Variants in BST1 observed in about 807,000 individuals in gnomAD.
The protein encoded by BST1 is bone marrow stromal cell antigen 1.
In BST1, 49 loss-of-function variants were observed where a neutral mutation model predicts 40.6. The observed-to-expected ratio is 1.21, with a 90% CI of 0.96 to 1.53. The LOEUF (loss-of-function observed/expected upper bound fraction) is 1.53, where lower values mean the gene tolerates loss of function less well. BST1 is among the 40% of genes most tolerant of loss of function. BST1 has a pLI of 0.00. For synonymous variants in BST1, 157 were observed against 159.3 expected, an observed-to-expected ratio of 0.99 and a Z score of 0.11; for missense variants, 423 against 395.9, an observed-to-expected ratio of 1.07 and a Z score of -0.58.
chr4:15,731,454 G>A, intron 8 of BST1: 2 of 769,384 alleles, frequency 2.6e-6, no homozygotes, highest in Non-Finnish European at 4.5e-6. Context: ...GGGGCAGGGA[G>A]TGGACTTAAG....
chr4:15,766,813 C>T, the BST1 span, among the ~76,000 whole-genome samples: 2 of 138,284 alleles, frequency 1.4e-5, no homozygotes, highest in Non-Finnish European at 3.2e-5. Flanking sequence ...AAAAAAAGAC[C>T]TCCCTAAAAA....
chr4:15,739,995 T>G (rs1398704437), downstream of BST1, among the ~76,000 whole-genome samples: 1 of 149,544 alleles, frequency 6.7e-6, no homozygotes, highest in Admixed American at 6.7e-5. Context: ...GAGAGAGAGA[T>G]AAGGATAGAG....
chr4:15,751,114 T>C, the BST1 span, among the ~76,000 whole-genome samples: 1 of 152,144 alleles, frequency 6.6e-6, no homozygotes, highest in Non-Finnish European at 1.5e-5. Context: ...CTACAGAGAC[T>C]TATACTAGAG....
At chr4:15,726,797 T>G (rs1424026466) in intron 8 of BST1, among the ~76,000 whole-genome samples, 2 of 151,954 alleles carry the variant, frequency 1.3e-5, no homozygotes, top group East Asian at 1.9e-4. Flanking sequence ...CTAGCACCAG[T>G]GCCTTGGGTT....
chr4:15,760,810 T>C, the BST1 span, among the ~76,000 whole-genome samples: 1 of 151,148 alleles, frequency 6.6e-6, no homozygotes, highest in Non-Finnish European at 1.5e-5. Context: ...TACTTCAGCC[T>C]CATGAGTAGT....
At chr4:15,731,443 T>TG in intron 8 of BST1, 1 of 719,262 alleles carries the variant, frequency 1.4e-6, no homozygotes, top group Non-Finnish European at 2.5e-6. Context: ...ATGGAGAACT[T>TG]GGGGCAGGGA....
chr4:15,764,940 A>C, the BST1 span, among the ~76,000 whole-genome samples: 1 of 151,158 alleles, frequency 6.6e-6, no homozygotes, highest in Non-Finnish European at 1.5e-5. Context: ...GCCCTATTGC[A>C]TAGGTTTGAA....
At chr4:15,772,706 C>G in the BST1 span, among the ~76,000 whole-genome samples, 1 of 152,150 alleles carries the variant, frequency 6.6e-6, no homozygotes, top group Non-Finnish European at 1.5e-5. Flanking sequence ...AGCTTGGGAG[C>G]TGAGTGGGGT....
chr4:15,772,970 G>C, the BST1 span, among the ~76,000 whole-genome samples: 1 of 152,324 alleles, frequency 6.6e-6, no homozygotes, highest in Middle Eastern at 3.4e-3. Context: ...AGAGCAAGAG[G>C]GGAGGGAGTC....
the BST1 span, among the ~76,000 whole-genome samples, chr4:15,761,917 C>T: frequency 2.0e-5 from 3 of 151,678 alleles, no homozygotes; most frequent in Non-Finnish European, 1.5e-5. Context: ...GAACTTAATT[C>T]GGCCGGGCGC....
chr4:15,736,463 A>G (rs1202240223), downstream of BST1, among the ~76,000 whole-genome samples: 2 of 152,084 alleles, frequency 1.3e-5, no homozygotes, highest in Non-Finnish European at 2.9e-5. Context: ...TACAAAAATT[A>G]GCTGGGCGTG....
downstream of BST1, chr4:15,736,176 C>A (rs900896345): frequency 8.0e-7 from 1 of 1,247,700 alleles, no homozygotes; most frequent in Non-Finnish European, 1.0e-6. Flanking sequence ...TGACTGATCT[C>A]TCTGCTTCTG....
chr4:15,766,281 G>T, the BST1 span, among the ~76,000 whole-genome samples: 1 of 152,104 alleles, frequency 6.6e-6, no homozygotes, highest in African/African-American at 2.4e-5. Context: ...CAGATTTGGA[G>T]TGTCTAAACT....
At chr4:15,739,666 T>C (rs1237381176), downstream of BST1, among the ~76,000 whole-genome samples, 15 of 152,114 alleles carry the variant, frequency 9.9e-5, no homozygotes, top group Admixed American at 7.9e-4. Context: ...GACTTTGCTA[T>C]AGGACATGTG....
chr4:15,769,083 AAAC>A, the BST1 span, among the ~76,000 whole-genome samples: 3 of 152,218 alleles, frequency 2.0e-5, no homozygotes, highest in Non-Finnish European at 4.4e-5. Flanking sequence ...AGAAAAAAAA[AAAC>A]AAGAATTATG....
chr4:15,758,758 GT>G, the BST1 span, among the ~76,000 whole-genome samples: 7 of 152,076 alleles, frequency 4.6e-5, no homozygotes, highest in Admixed American at 4.6e-4. Context: ...GAGTTTGATT[GT>G]TTTAGATTCT....
downstream of BST1, among the ~76,000 whole-genome samples, chr4:15,739,213 G>A (rs1432944962): frequency 1.3e-5 from 2 of 152,204 alleles, no homozygotes; most frequent in Admixed American, 6.5e-5. Flanking sequence ...AATGAAGCAG[G>A]TTGGAAAATC....
intron 8 of BST1, among the ~76,000 whole-genome samples, chr4:15,728,464 TTTTTG>T (rs1464779855): frequency 2.9e-4 from 44 of 149,360 alleles, no homozygotes. Context: ...TTTTTTTTTT[TTTTTG>T]GAGACAGGTT....
chr4:15,756,838 T>G, the BST1 span, among the ~76,000 whole-genome samples: 2 of 152,152 alleles, frequency 1.3e-5, no homozygotes, highest in South Asian at 2.1e-4. Context: ...ATGCACCACC[T>G]CAAAACATAC....
Sources: gnomAD v4.1 joint callset for allele counts (sites outside exome capture counted in the v4.1 genomes callset) on GRCh38, gnomAD v4.1.1 for gene constraint, MANE v1.5 for transcripts, NCBI Gene and HGNC (gene_info 2026-07-23, HGNC 2026-07-21) for gene names.